The following PARD3 variants were observed in gnomAD, a reference collection of about 807,000 sequenced individuals.
The protein encoded by PARD3 is partitioning defective 3 homolog.
PARD3 carries 75 observed loss-of-function variants against 155.4 expected under a neutral mutation model. The observed-to-expected ratio is 0.48, with a 90% CI of 0.40 to 0.58. PARD3 has a LOEUF of 0.58. PARD3 is among the 20% of genes least tolerant of loss of function. PARD3 has a pLI of 0.00. For synonymous variants in PARD3, 576 were observed against 610.5 expected (o/e 0.94, Z 0.83); for missense variants, 1,642 against 1,721.7 (o/e 0.95, Z 0.82).
intron 3 of PARD3, among the ~76,000 whole-genome samples, chr10:34,500,514 G>C (rs556298968): frequency 1.3e-5 from 2 of 152,148 alleles, no homozygotes; most frequent in African/African-American, 4.8e-5. Context: ...GGTCAAGGCA[G>C]GCAGATCACC....
At chr10:34,762,903 A>G (rs1460058551) in intron 1 of PARD3, among the ~76,000 whole-genome samples, 2 of 152,226 alleles carry the variant, frequency 1.3e-5, no homozygotes, top group Non-Finnish European at 2.9e-5. Context: ...GGTATGTTTT[A>G]AGAATAAGAA....
intron 20 of PARD3, among the ~76,000 whole-genome samples, chr10:34,316,377 G>A (rs1488136083): frequency 6.6e-6 from 1 of 152,150 alleles, no homozygotes; most frequent in East Asian, 1.9e-4. Context: ...GCAATGATTT[G>A]TAAAAAATGA....
intron 2 of PARD3, among the ~76,000 whole-genome samples, chr10:34,652,915 G>A (rs2093056102): frequency 6.6e-6 from 1 of 152,130 alleles, no homozygotes; most frequent in Admixed American, 6.5e-5. Context: ...AATAAACAAT[G>A]AGTAGCTAAG....
chr10:34,730,884 C>T (rs1333506902), intron 1 of PARD3, among the ~76,000 whole-genome samples: 2 of 152,180 alleles, frequency 1.3e-5, no homozygotes, highest in East Asian at 1.9e-4. Flanking sequence ...CCTTAATGAG[C>T]GCATACACAC....
chr10:34,657,366 C>A (rs1029374133), intron 2 of PARD3, among the ~76,000 whole-genome samples: 1 of 152,112 alleles, frequency 6.6e-6, no homozygotes, highest in Admixed American at 6.5e-5. Context: ...GCCTGAAATT[C>A]ATCTGGTGAT....
At chr10:34,653,382 T>C (rs865907861) in intron 2 of PARD3, among the ~76,000 whole-genome samples, 61 of 152,232 alleles carry the variant, frequency 4.0e-4, no homozygotes, top group African/African-American at 1.4e-3. Flanking sequence ...ATAATACTCT[T>C]TCCTCAGTCC....
intron 3 of PARD3, 150 bp downstream of exon 3, chr10:34,516,827 TTC>T: frequency 1.5e-6 from 1 of 684,200 alleles, no homozygotes; most frequent in Non-Finnish European, 2.4e-6. Context: ...AACTGCCTAC[TTC>T]TCTTGCAAAG....
chr10:34,113,905 G>A (rs112425182), intron 24 of PARD3, among the ~76,000 whole-genome samples: 2 of 152,334 alleles, frequency 1.3e-5, no homozygotes, highest in African/African-American at 4.8e-5. Context: ...CTCAGTAAGT[G>A]ATTGACTAAT....
In PARD3 at chr10:34,174,123, C is replaced by T. The variant is rs558926448; in HGVS notation, c.3420-42540G>A. On this transcript the variant is annotated intron_variant, in intron 22 of 24. Transcript: ENST00000374788. ...AGGGATGTCACCAAGCATAACGATG[C>T]TTCATTAGGAAAATGTACTTCAGCA... Among the ~76,000 whole-genome samples the T allele has an allele frequency of 4.6e-5, 7 of 152,310 alleles. No homozygotes were observed. The South Asian group carries it at 1.0e-3, about 23-fold the overall frequency.
In PARD3 at chr10:34,341,659, C is replaced by T; in HGVS notation, c.2376G>A (p.Trp792Ter). The part of the protein sequence containing the change: ...VGFVTADAGT[W>*]AKAAISDSAD... ...CTGAATCACTGATTGCAGCCTTGGC[C>T]CAAGTACCAGCATCTGCCGTCACAA... Residue 792 changes from tryptophan to a stop codon, truncating the protein, a stop_gained, in exon 16 of 25, where the codon TGG becomes TGA. Transcript: ENST00000374788. LOFTEE classifies it high-confidence loss of function. The T allele has an allele frequency of 6.2e-7, 1 of 1,613,398 alleles. No individual in the cohort carries two copies. Among genetic ancestry groups the T allele is most frequent in the Non-Finnish European group, 8.5e-7 (1 of 1,179,734 alleles).
At chr10:34,353,238 C>G (rs1033596331) in intron 14 of PARD3, among the ~76,000 whole-genome samples, 1 of 152,170 alleles carries the variant, frequency 6.6e-6, no homozygotes, top group South Asian at 2.1e-4. Flanking sequence ...TCATTGAGAA[C>G]GGGCCATGAT....
intron 1 of PARD3, among the ~76,000 whole-genome samples, chr10:34,734,236 G>A (rs1452515619): frequency 6.7e-6 from 1 of 150,074 alleles, no homozygotes; most frequent in African/African-American, 2.4e-5. Flanking sequence ...ACTACAAAAA[G>A]GCATGTGAGT....
chr10:34,383,780 T>C (rs2132013848), intron 8 of PARD3, among the ~76,000 whole-genome samples: 1 of 152,316 alleles, frequency 6.6e-6, no homozygotes, highest in East Asian at 1.9e-4. Flanking sequence ...CTTTATCTGC[T>C]TGTTTGTATC....
At chr10:34,305,726 C>A (rs1272871735) in intron 20 of PARD3, among the ~76,000 whole-genome samples, 1 of 152,176 alleles carries the variant, frequency 6.6e-6, no homozygotes, top group African/African-American at 2.4e-5. Context: ...CGCCTGCAAT[C>A]CTAGTAGACT....
intron 14 of PARD3, among the ~76,000 whole-genome samples, chr10:34,350,170 T>C (rs1056552226): frequency 1.3e-5 from 2 of 152,228 alleles, no homozygotes; most frequent in Non-Finnish European, 2.9e-5. Flanking sequence ...TTGTTTTAAA[T>C]CTTTTGATGA....
At chr10:34,216,704 T>C (rs1019901848) in intron 22 of PARD3, among the ~76,000 whole-genome samples, 1 of 152,254 alleles carries the variant, frequency 6.6e-6, no homozygotes, top group African/African-American at 2.4e-5. Flanking sequence ...TGCTTATCCT[T>C]CAGGCTCTTG....
At chr10:34,590,287 G>T (rs980128277) in intron 2 of PARD3, among the ~76,000 whole-genome samples, 2 of 152,134 alleles carry the variant, frequency 1.3e-5, no homozygotes, top group Non-Finnish European at 2.9e-5. Context: ...TCCACTCAAA[G>T]AATCCTTAAA....
chr10:34,262,418 C>A (rs562985274), intron 22 of PARD3, among the ~76,000 whole-genome samples: 1 of 152,252 alleles, frequency 6.6e-6, no homozygotes, highest in South Asian at 2.1e-4. Flanking sequence ...AGGTGTGTGA[C>A]CACCATGCCC....
At chr10:34,440,739 G>C (rs1013834001) in intron 5 of PARD3, among the ~76,000 whole-genome samples, 1 of 152,006 alleles carries the variant, frequency 6.6e-6, no homozygotes, top group African/African-American at 2.4e-5. Flanking sequence ...AGGAGAAATT[G>C]ATGAGTACCC....
Sources: gnomAD v4.1 joint callset for allele counts (sites outside exome capture counted in the v4.1 genomes callset) on GRCh38, gnomAD v4.1.1 for gene constraint, MANE v1.5 for transcripts, NCBI Gene and HGNC (gene_info 2026-07-23, HGNC 2026-07-21) for gene names.